HMCES: variants seen among roughly 807,000 people sequenced by gnomAD.
HMCES encodes the protein abasic site processing protein HMCES.
In HMCES, 27 loss-of-function variants were observed where a neutral mutation model predicts 35.1. The ratio of observed to expected loss-of-function variants is 0.77; its 90% CI spans 0.57 to 1.06. The LOEUF (loss-of-function observed/expected upper bound fraction) is 1.06, where lower values mean the gene tolerates loss of function less well. HMCES is among the 50% of genes least tolerant of loss of function. The pLI is 0.00. For synonymous variants in HMCES, 130 were observed against 154.7 expected (o/e 0.84, Z 1.18); for missense variants, 391 against 430.4 (o/e 0.91, Z 0.81).
At chr3:129,288,720 AAGT>A (rs1410051605) in intron 2 of HMCES, 131 bp from the exon 3 acceptor site, 6 of 763,984 alleles carry the variant, frequency 7.9e-6, no homozygotes, top group Non-Finnish European at 7.4e-6. Flanking sequence ...AATTGTTTTC[AAGT>A]AGATTCCCTG....
In HMCES at chr3:129,290,771, C is replaced by T; in HGVS notation, c.420C>T (p.Tyr140=). Residue 140 remains tyrosine (Y), a synonymous_variant, in exon 4 of 7, where the codon TAC becomes TAT. Coordinates refer to ENST00000383463, the MANE Select transcript of HMCES (RefSeq NM_020187.3). Reference sequence around the variant, plus strand: ...AGGGAACAAACCAGAGGCAGCCATACTTCATCTATTTTCCTCAAATCAAGA... The same window carrying T: ...AGGGAACAAACCAGAGGCAGCCATATTTCATCTATTTTCCTCAAATCAAGA... ...RCQGTNQRQP[Y]FIYFPQIKTE... 6.2e-7 allele frequency: 1 copy of T among 1,613,350 alleles called. No individual in the cohort carries two copies. Among genetic ancestry groups the T allele is most frequent in the South Asian group, 1.1e-5 (1 of 91,072 alleles).
chr3:129,288,063 A>T (rs1456590442), intron 2 of HMCES, among the ~76,000 whole-genome samples: 4 of 152,122 alleles, frequency 2.6e-5, no homozygotes, highest in Non-Finnish European at 5.9e-5. Flanking sequence ...TCTCAAAAAA[A>T]AATAAAAATA....
intron 2 of HMCES, 101 bp from the exon 3 acceptor site, chr3:129,288,753 T>C (rs1940711612): frequency 1.1e-6 from 1 of 944,416 alleles, no homozygotes; most frequent in African/African-American, 1.7e-5. Flanking sequence ...AATCTTGAAT[T>C]CTTTATATTT....
intron 6 of HMCES, 64 bp from the exon 7 acceptor site, chr3:129,304,525 T>C: frequency 7.1e-7 from 1 of 1,403,912 alleles, no homozygotes; most frequent in Non-Finnish European, 1.0e-6. Context: ...GTTTCTTCCC[T>C]TGGACTTGGC....
Position 129,301,975 on chromosome 3 carries a change from G to A in HMCES, c.661G>A (p.Glu221Lys), listed in dbSNP as rs748269390. 3.1e-6 allele frequency: 5 copies of A among 1,613,866 alleles called. No homozygotes were observed. The Admixed American group carries it at 6.7e-5, about 22-fold the overall frequency. Residue 221 changes from glutamate (E) to lysine (K), a missense_variant, in exon 6 of 7, where the codon GAG (glutamate) becomes AAG (lysine). By Grantham distance (56) the Glu-to-Lys change is moderately conservative (BLOSUM62 1). Coordinates refer to ENST00000383463, the MANE Select transcript of HMCES (RefSeq NM_020187.3). The part of the protein sequence containing the change: ...HRMPAILDGE[E>K]AVSKWLDFGE... ...GATGCCTGCCATATTAGATGGAGAG[G>A]AGGCAGTTTCTAAATGGCTTGACTT...
At chr3:129,282,054 A>T (rs1434956654) in intron 2 of HMCES, among the ~76,000 whole-genome samples, 1 of 152,008 alleles carries the variant, frequency 6.6e-6, no homozygotes, top group Non-Finnish European at 1.5e-5. Context: ...GTTTTAAATG[A>T]GAGGGGAATC....
chr3:129,306,127 C>A lies in HMCES; in HGVS notation c.*1302C>A, dbSNP rs565886366. On this transcript the variant is annotated 3_prime_UTR_variant, in exon 7 of 7. Transcript: ENST00000383463. Reference sequence around the variant, plus strand: ...TAAGAGATTTAAAAAATTCAGATGACTTACTAGTATGACTGTTTTGTCATA... The same window carrying A: ...TAAGAGATTTAAAAAATTCAGATGAATTACTAGTATGACTGTTTTGTCATA... 9 of 152,344 alleles carry A rather than the reference C, an allele frequency of 5.9e-5. No homozygotes were observed. The East Asian group carries it at 1.5e-3, about 26-fold the overall frequency. The allele number at this position is 152,344 out of a possible 1,614,324, so 9.4% of individuals were successfully genotyped here.
At chr3:129,299,524 C>T (rs942293290) in intron 5 of HMCES, among the ~76,000 whole-genome samples, 15 of 152,010 alleles carry the variant, frequency 9.9e-5, no homozygotes, top group Non-Finnish European at 1.6e-4. Context: ...TGAAAATTGT[C>T]GCCATGTTCG....
At chr3:129,304,488 G>C in intron 6 of HMCES, 101 bp from the exon 7 acceptor site, 1 of 972,548 alleles carries the variant, frequency 1.0e-6, no homozygotes, top group South Asian at 1.5e-5. Flanking sequence ...TTCCAAGCCT[G>C]GGTAAGTACC....
intron 2 of HMCES, among the ~76,000 whole-genome samples, chr3:129,288,566 G>A (rs1248454404): frequency 4.0e-5 from 6 of 151,464 alleles, no homozygotes; most frequent in East Asian, 3.9e-4. Flanking sequence ...ATGGGGGGGC[G>A]TGTGTCTATA....
intron 6 of HMCES, among the ~76,000 whole-genome samples, chr3:129,304,255 G>C (rs544183321): frequency 6.6e-6 from 1 of 152,280 alleles, no homozygotes; most frequent in South Asian, 2.1e-4. Context: ...TATCTCTCCA[G>C]TCTCGTTTTC....
intron 6 of HMCES, among the ~76,000 whole-genome samples, chr3:129,302,375 A>G (rs1316494487): frequency 1.3e-5 from 2 of 152,210 alleles, no homozygotes; most frequent in African/African-American, 2.4e-5. Context: ...CCCTATCTAG[A>G]CATCCTGAAT....
chr3:129,290,055 C>T (rs1048427814), intron 3 of HMCES, among the ~76,000 whole-genome samples: 3 of 151,554 alleles, frequency 2.0e-5, no homozygotes, highest in East Asian at 4.0e-4. Context: ...GGCGTGGTGG[C>T]GGACGCCTGT....
chr3:129,304,906 G>A lies in HMCES; in HGVS notation c.*81G>A. The A allele has an allele frequency of 5.1e-6, 6 of 1,168,040 alleles. No individual in the cohort carries two copies. Among genetic ancestry groups the A allele is most frequent in the Non-Finnish European group, 7.5e-6 (6 of 797,530 alleles). 72.4% of individuals were successfully genotyped at this position (1,168,040 alleles called of 1,614,324 possible). A position where few individuals can be genotyped will look rare whatever the true frequency, so the allele number is the denominator to read the frequency against. ...GGTTCTTAACATTGTATGTATATGT[G>A]TTTGCTTTGGGAGGAGGTGGCACTG... On this transcript the variant is annotated 3_prime_UTR_variant, in exon 7 of 7. Coordinates refer to ENST00000383463, the MANE Select transcript of HMCES (RefSeq NM_020187.3).
At position 129,304,936 on chromosome 3, in the gene HMCES, A is replaced by G. The variant is rs1312480363; in HGVS notation, c.*111A>G. The G allele has an allele frequency of 4.7e-6, 4 of 849,512 alleles. No individual in the cohort carries two copies. The Admixed American group carries it at 7.0e-5, about 15-fold the overall frequency. The allele number at this position is 849,512 out of a possible 1,614,324, so 52.6% of individuals were successfully genotyped here. On this transcript the variant is annotated 3_prime_UTR_variant, in exon 7 of 7. Coordinates refer to ENST00000383463, the MANE Select transcript of HMCES (RefSeq NM_020187.3). ...CTTTGGGAGGAGGTGGCACTGTGTT[A>G]GTTGACAGTTGTGGGCTCATGTAGT...
intron 4 of HMCES, among the ~76,000 whole-genome samples, chr3:129,294,688 C>T (rs56982875): frequency 0.25 from 37,595 of 152,042 alleles, 7,765 homozygotes; most frequent in African/African-American, 0.57. Flanking sequence ...TCTTTGTACA[C>T]GTACCTTCAT....
chr3:129,300,160 G>A (rs2071144987), intron 5 of HMCES, among the ~76,000 whole-genome samples: 1 of 127,284 alleles, frequency 7.9e-6, no homozygotes. Context: ...TGTTAAATGT[G>A]CATCTTTATA....
chr3:129,298,348 T>C lies in HMCES; in HGVS notation c.454-6T>C, dbSNP rs547880939. On this transcript the variant is annotated splice_polypyrimidine_tract_variant and splice_region_variant and intron_variant, in intron 4 of 6. Transcript: ENST00000383463. ...CATCTAATCTGCCCATATATTTTGC[T>C]TCCAGTCAGGTAGCATTGGTGCTGC... 3.7e-6 allele frequency: 6 copies of C among 1,614,158 alleles called. No homozygotes were observed. In the Admixed American group the frequency reaches 1.0e-4, roughly 27 times the overall value.
At chr3:129,288,695 C>CA (rs142306566) in intron 2 of HMCES, among the ~76,000 whole-genome samples, 159 bp from the exon 3 acceptor site, 4,201 of 151,020 alleles carry the variant, frequency 0.028, 148 homozygotes, top group East Asian at 0.11. Context: ...GACCTTATCT[C>CA]AAAAAAAATA....
Sources: allele counts gnomAD v4.1 joint callset (sites outside exome capture counted in the v4.1 genomes callset), GRCh38; gene constraint gnomAD v4.1.1; transcripts MANE v1.5; gene names NCBI Gene and HGNC (gene_info 2026-07-23, HGNC 2026-07-21).